Variants in NETO2 observed in about 807,000 individuals in gnomAD.
NETO2 encodes neuropilin and tolloid like 2, also known as neuropilin and tolloid-like protein 2.
Under a neutral mutation model 62.5 loss-of-function variants are expected in NETO2, and 28 were observed. The observed-to-expected ratio is 0.45, with a 90% confidence interval of 0.33 to 0.61. NETO2 has a LOEUF of 0.61. NETO2 is among the 20% of genes least tolerant of loss of function. NETO2 has a pLI of 0.02. For missense variants in NETO2, 548 were observed against 643.2 expected (o/e 0.85, Z 1.60); for synonymous variants, 214 against 219.1 (o/e 0.98, Z 0.21).
chr16:47,122,821 AAG>A, intron 5 of NETO2, 37 bp from the exon 6 acceptor site: 1 of 1,613,988 alleles, frequency 6.2e-7, no homozygotes, highest in South Asian at 1.1e-5. Context: ...AAAGGAACAT[AAG>A]ACTAATCAAA....
intron 7 of NETO2, among the ~76,000 whole-genome samples, chr16:47,108,032 T>C (rs529235318): frequency 8.2e-4 from 125 of 152,214 alleles, no homozygotes; most frequent in African/African-American, 2.9e-3. Context: ...CGCCTCGGCC[T>C]CCCAAAGTGC....
intron 7 of NETO2, among the ~76,000 whole-genome samples, chr16:47,099,492 C>T (rs569771503): frequency 6.6e-6 from 1 of 152,204 alleles, no homozygotes; most frequent in South Asian, 2.1e-4. Context: ...GGGCTAAATG[C>T]CCCCAATTAA....
At chr16:47,095,087 G>A (rs1278363500) in intron 7 of NETO2, among the ~76,000 whole-genome samples, 1 of 152,162 alleles carries the variant, frequency 6.6e-6, no homozygotes, top group African/African-American at 2.4e-5. Context: ...CTGTGTATGA[G>A]CTACAACCTT....
intron 6 of NETO2, among the ~76,000 whole-genome samples, chr16:47,115,251 T>C (rs1006963436): frequency 1.3e-5 from 2 of 152,206 alleles, no homozygotes; most frequent in Non-Finnish European, 2.9e-5. Context: ...AGAATCAGTT[T>C]GTCAATCTTT....
rs1248122241 is a variant in NETO2, at chr16:47,082,445, T to G, written c.*776A>C. 6.6e-6 allele frequency: 1 copy of G among 152,234 alleles called. No individual in the cohort carries two copies. Among genetic ancestry groups the G allele is most frequent in the African/African-American group, 2.4e-5 (1 of 41,460 alleles). The allele number at this position is 152,234 out of a possible 1,614,324, so 9.4% of individuals were successfully genotyped here. ...GTAAACTTCAAAGGCTTGCTAGAAA[T>G]TTTTATCTTTTTCAAATTTTTAGTC... On this transcript the variant is annotated 3_prime_UTR_variant, in exon 9 of 9. Transcript: ENST00000562435.
At position 47,083,296 on chromosome 16, in the gene NETO2, C is replaced by T; in HGVS notation, c.1503G>A (p.Met501Ile). 1 of 1,614,210 alleles carries T rather than the reference C, an allele frequency of 6.2e-7. No homozygotes were observed. Residue 501 changes from methionine (M) to isoleucine (I), a missense_variant, in exon 9 of 9, where the codon ATG becomes ATA. Physicochemically the swap from Met to Ile is conservative, Grantham distance 10. Coordinates refer to ENST00000562435, the MANE Select transcript of NETO2 (RefSeq NM_018092.5). ...CPEQALEDRV[M>I]EEIPCEIYVR... The stretch of plus-strand genomic sequence containing the variant: ...CATAAATTTCACAGGGAATCTCCTC[C>T]ATTACTCGGTCTTCCAGGGCCTGCT...
At chr16:47,140,751 C>G (rs757219673) in intron 1 of NETO2, among the ~76,000 whole-genome samples, 1 of 152,162 alleles carries the variant, frequency 6.6e-6, no homozygotes, top group African/African-American at 2.4e-5. Context: ...AGTTTATAGT[C>G]CTGGGTGAAA....
chr16:47,097,910 CCAG>C (rs1963462093), intron 7 of NETO2, among the ~76,000 whole-genome samples: 2 of 152,156 alleles, frequency 1.3e-5, no homozygotes, highest in Admixed American at 1.3e-4. Flanking sequence ...CCAGCAAACT[CCAG>C]CAGATCTGCC....
intron 6 of NETO2, among the ~76,000 whole-genome samples, chr16:47,110,594 C>A (rs564747895): frequency 1.3e-5 from 2 of 152,200 alleles, no homozygotes; most frequent in East Asian, 3.9e-4. Flanking sequence ...TACATACTCA[C>A]ACAGTGTTCC....
intron 1 of NETO2, among the ~76,000 whole-genome samples, chr16:47,133,259 G>A (rs1341411501): frequency 1.3e-5 from 2 of 152,046 alleles, no homozygotes; most frequent in Non-Finnish European, 2.9e-5. Context: ...CCCAGGAAAA[G>A]GAGAAAGAAA....
intron 7 of NETO2, among the ~76,000 whole-genome samples, chr16:47,090,116 C>G (rs374591598): frequency 6.6e-6 from 1 of 152,136 alleles, no homozygotes; most frequent in East Asian, 1.9e-4. Flanking sequence ...TGTGACCCCC[C>G]CCTTTGATGG....
intron 7 of NETO2, among the ~76,000 whole-genome samples, chr16:47,094,227 TA>T (rs907804211): frequency 3.2e-3 from 456 of 142,982 alleles, no homozygotes; most frequent in Non-Finnish European, 3.8e-3. Context: ...ATAAGCAAAA[TA>T]AAAAAAAATT....
intron 7 of NETO2, among the ~76,000 whole-genome samples, chr16:47,105,381 C>T (rs1277789281): frequency 1.3e-5 from 2 of 152,104 alleles, no homozygotes; most frequent in African/African-American, 4.8e-5. Context: ...AGAGCTAAAA[C>T]TATAAAACTC....
At chr16:47,141,386 A>G (rs1162999323) in intron 1 of NETO2, among the ~76,000 whole-genome samples, 1 of 152,174 alleles carries the variant, frequency 6.6e-6, no homozygotes, top group East Asian at 1.9e-4. Context: ...GTAATGGGAA[A>G]GGCCAGTATC....
At chr16:47,085,374 G>A (rs568535061) in intron 8 of NETO2, among the ~76,000 whole-genome samples, 3 of 151,810 alleles carry the variant, frequency 2.0e-5, no homozygotes, top group South Asian at 2.1e-4. Flanking sequence ...GGCATACCAC[G>A]ATATACTTTT....
In NETO2 at chr16:47,143,687, G is replaced by T; in HGVS notation, c.-75C>A. 2 of 1,213,748 alleles carry T rather than the reference G, an allele frequency of 1.6e-6. No individual in the cohort carries two copies. Among genetic ancestry groups the T allele is most frequent in the South Asian group, 8.3e-5 (2 of 24,178 alleles). 75.2% of individuals were successfully genotyped at this position (1,213,748 alleles called of 1,614,324 possible). On this transcript the variant is annotated 5_prime_UTR_variant, in exon 1 of 9. Transcript: ENST00000562435. Reference sequence around the variant, plus strand: ...TGGCTCGGCGCTCACGGCTCGGCGCGGCGGCGACGGCCCCACTCCGTCCCC... The same window carrying T: ...TGGCTCGGCGCTCACGGCTCGGCGCTGCGGCGACGGCCCCACTCCGTCCCC...
chr16:47,117,008 A>G (rs560513497), intron 6 of NETO2, among the ~76,000 whole-genome samples: 1 of 152,268 alleles, frequency 6.6e-6, no homozygotes, highest in South Asian at 2.1e-4. Context: ...TTACCCAGAT[A>G]TTTACCATTC....
At chr16:47,090,239 T>G (rs1186281283) in intron 7 of NETO2, among the ~76,000 whole-genome samples, 1 of 152,190 alleles carries the variant, frequency 6.6e-6, no homozygotes, top group Non-Finnish European at 1.5e-5. Context: ...TCTTTACAAC[T>G]GCTCTCCATA....
In NETO2 at chr16:47,131,951, C is replaced by A. The variant is rs1964274152; in HGVS notation, c.91+18G>T. On this transcript the variant is annotated intron_variant, in intron 2 of 8. Transcript: ENST00000562435. ...ATTGTCTTAAACATGCAGTAAGTCA[C>A]CAATGTAAGTACTTTACCTTGGGTT... is the stretch of plus-strand genomic sequence containing the variant. 2 of 1,605,514 alleles carry A rather than the reference C, an allele frequency of 1.2e-6. No homozygotes were observed. The highest frequency in any genetic ancestry group is 4.5e-5 in the East Asian group (2 of 44,750).
Sources: gnomAD v4.1 joint callset for allele counts (sites outside exome capture counted in the v4.1 genomes callset) on GRCh38, gnomAD v4.1.1 for gene constraint, MANE v1.5 for transcripts, NCBI Gene and HGNC (gene_info 2026-07-23, HGNC 2026-07-21) for gene names.